PAPPA2: variants seen among roughly 807,000 people sequenced by gnomAD.
The protein encoded by PAPPA2 is pappalysin 2, also known as pappalysin-2.
PAPPA2 carries 86 observed loss-of-function variants against 176.4 expected under a neutral mutation model. That is an observed-to-expected ratio of 0.49 (90% confidence interval 0.41 to 0.58). PAPPA2 has a LOEUF of 0.58. PAPPA2 is among the 20% of genes least tolerant of loss of function. The pLI is 0.00. For synonymous variants in PAPPA2, 809 were observed against 852.2 expected (o/e 0.95, Z 0.88); for missense variants, 2,073 against 2,256.9 (o/e 0.92, Z 1.65).
At position 176,480,134 on chromosome 1, in the gene PAPPA2, G is replaced by A. The variant is rs1048903213; in HGVS notation, c.-917+16716G>A. On this transcript the variant is annotated intron_variant, in intron 1 of 22. Coordinates refer to ENST00000367662, the MANE Select transcript of PAPPA2 (RefSeq NM_020318.3). ...GGTGGGGGAGGGGTCTGTGTGGAGAGCAGCCTCCTCCCCATGTCCTGCAGT... is the reference window on the plus strand; with the variant it reads ...GGTGGGGGAGGGGTCTGTGTGGAGAACAGCCTCCTCCCCATGTCCTGCAGT... Among the ~76,000 whole-genome samples the A allele has an allele frequency of 7.2e-5, 11 of 152,190 alleles. No individual in the cohort carries two copies. In the East Asian group the frequency reaches 2.1e-3, roughly 30 times the overall value.
intron 12 of PAPPA2, among the ~76,000 whole-genome samples, chr1:176,729,064 T>C (rs1240354648): frequency 6.6e-6 from 1 of 152,040 alleles, no homozygotes; most frequent in Non-Finnish European, 1.5e-5. Flanking sequence ...TCTTTAATTA[T>C]TAGTTTTTGC....
chr1:176,722,325 T>TC (rs1172320436), intron 12 of PAPPA2, among the ~76,000 whole-genome samples: 1 of 152,006 alleles, frequency 6.6e-6, no homozygotes, highest in African/African-American at 2.4e-5. Flanking sequence ...TTCAAGATTT[T>TC]TTTTTTTTGG....
At chr1:176,774,297 A>G (rs754982555) in intron 17 of PAPPA2, among the ~76,000 whole-genome samples, 20 of 152,124 alleles carry the variant, frequency 1.3e-4, no homozygotes, top group Non-Finnish European at 2.8e-4. Flanking sequence ...ACCTGCCACT[A>G]TAGTATCTTC....
chr1:176,790,669 G>A (rs763070555), intron 18 of PAPPA2, among the ~76,000 whole-genome samples: 62 of 152,144 alleles, frequency 4.1e-4, no homozygotes, highest in Non-Finnish European at 6.6e-4. Flanking sequence ...CGGTTGCACT[G>A]ATGGGTTAAG....
intron 1 of PAPPA2, among the ~76,000 whole-genome samples, chr1:176,531,587 G>A (rs1457435435): frequency 6.6e-6 from 1 of 152,146 alleles, no homozygotes; most frequent in African/African-American, 2.4e-5. Context: ...ACCGGCCACT[G>A]TTCCACCTTC....
intron 4 of PAPPA2, among the ~76,000 whole-genome samples, chr1:176,676,385 A>G (rs898561070): frequency 6.6e-6 from 1 of 152,048 alleles, no homozygotes; most frequent in African/African-American, 2.4e-5. Context: ...CATCGACACA[A>G]TGAAATACTA....
At chr1:176,748,003 C>A (rs1330484161) in intron 14 of PAPPA2, among the ~76,000 whole-genome samples, 1 of 152,212 alleles carries the variant, frequency 6.6e-6, no homozygotes, top group Non-Finnish European at 1.5e-5. Flanking sequence ...GACAAAGAGT[C>A]TCTCAGCAAG....
intron 21 of PAPPA2, among the ~76,000 whole-genome samples, chr1:176,828,573 C>T (rs1223731307): frequency 6.6e-6 from 1 of 151,292 alleles, no homozygotes; most frequent in Non-Finnish European, 1.5e-5. Context: ...ATATATTTAC[C>T]ACATCTATGC....
At chr1:176,524,683 C>T (rs1051065639) in intron 1 of PAPPA2, among the ~76,000 whole-genome samples, 2 of 152,026 alleles carry the variant, frequency 1.3e-5, no homozygotes, top group African/African-American at 2.4e-5. Flanking sequence ...ATTAAGAGAG[C>T]AGAAGTCTGG....
At chr1:176,793,253 A>G (rs1379198203) in intron 19 of PAPPA2, among the ~76,000 whole-genome samples, 1 of 152,150 alleles carries the variant, frequency 6.6e-6, no homozygotes, top group Non-Finnish European at 1.5e-5. Flanking sequence ...GCCAAGAGTT[A>G]ATCTTTCAAT....
At chr1:176,518,715 G>A (rs1558413725) in intron 1 of PAPPA2, among the ~76,000 whole-genome samples, 1 of 152,166 alleles carries the variant, frequency 6.6e-6, no homozygotes, top group Admixed American at 6.6e-5. Context: ...AAGTGTGCAT[G>A]TAAAGTGTTG....
chr1:176,774,366 C>G (rs950819710), intron 17 of PAPPA2, among the ~76,000 whole-genome samples: 1 of 152,104 alleles, frequency 6.6e-6, no homozygotes, highest in African/African-American at 2.4e-5. Context: ...GCTTGGATAT[C>G]GTGTCTACAT....
chr1:176,783,129 G>T (rs528717527), intron 17 of PAPPA2, among the ~76,000 whole-genome samples: 3 of 152,274 alleles, frequency 2.0e-5, no homozygotes, highest in Non-Finnish European at 4.4e-5. Flanking sequence ...AGGGAATCAA[G>T]AACTTAAACA....
chr1:176,537,118 G>C (rs890786742), intron 1 of PAPPA2, among the ~76,000 whole-genome samples: 3 of 152,118 alleles, frequency 2.0e-5, no homozygotes, highest in African/African-American at 7.2e-5. Context: ...TTTTCCTAGA[G>C]ATTTGTTTTC....
chr1:176,603,111 C>A (rs1028018952), intron 3 of PAPPA2, among the ~76,000 whole-genome samples: 11 of 152,126 alleles, frequency 7.2e-5, no homozygotes, highest in Non-Finnish European at 5.9e-5. Flanking sequence ...AAAATATTTC[C>A]TTTTAGAAAT....
chr1:176,649,011 G>A (rs1285803532), intron 3 of PAPPA2, among the ~76,000 whole-genome samples: 1 of 151,424 alleles, frequency 6.6e-6, no homozygotes, highest in Non-Finnish European at 1.5e-5. Flanking sequence ...GTAGAATTTG[G>A]TATTAGTTCT....
intron 3 of PAPPA2, among the ~76,000 whole-genome samples, chr1:176,660,929 A>G (rs1573210802): frequency 6.6e-6 from 1 of 152,076 alleles, no homozygotes; most frequent in African/African-American, 2.4e-5. Flanking sequence ...CTGTATCAGG[A>G]GTTGAAATAT....
intron 1 of PAPPA2, among the ~76,000 whole-genome samples, chr1:176,504,092 G>C (rs1305518363): frequency 6.6e-6 from 1 of 152,036 alleles, no homozygotes; most frequent in East Asian, 1.9e-4. Context: ...TCTGTGGTAT[G>C]GTTCCATATC....
intron 4 of PAPPA2, 124 bp downstream of exon 4, chr1:176,671,239 G>T (rs923297618): frequency 7.8e-7 from 1 of 1,289,146 alleles, no homozygotes. Flanking sequence ...TGAATTAACT[G>T]CTTTGTGCTG....
Sources: allele counts gnomAD v4.1 joint callset (sites outside exome capture counted in the v4.1 genomes callset), GRCh38; gene constraint gnomAD v4.1.1; transcripts MANE v1.5; gene names NCBI Gene and HGNC (gene_info 2026-07-23, HGNC 2026-07-21).